TMEM62: variants seen among roughly 807,000 people sequenced by gnomAD.
TMEM62 encodes transmembrane protein 62.
In TMEM62, 41 loss-of-function variants were observed where a neutral mutation model predicts 70.4. That is an observed-to-expected ratio of 0.58 (90% confidence interval 0.45 to 0.76). The LOEUF (loss-of-function observed/expected upper bound fraction) is 0.76, where lower values mean the gene tolerates loss of function less well. Ranked by LOEUF, TMEM62 falls within the 30% of genes least tolerant of loss-of-function variation. TMEM62 has a pLI of 0.00. For missense variants in TMEM62, 688 were observed against 788.5 expected, an observed-to-expected ratio of 0.87 and a Z score of 1.53; for synonymous variants, 268 against 291.0, an observed-to-expected ratio of 0.92 and a Z score of 0.80.
rs2034775239 is a variant in TMEM62 at position 43,133,926 on chromosome 15, A to C, written c.124A>C (p.Arg42=). The C allele has an allele frequency of 6.7e-7, 1 of 1,489,280 alleles. No homozygotes were observed. Among genetic ancestry groups the C allele is most frequent in the African/African-American group, 1.4e-5 (1 of 69,254 alleles). The allele number at this position is 1,489,280 out of a possible 1,614,324, so 92.3% of individuals were successfully genotyped here. A position where few individuals can be genotyped will look rare whatever the true frequency, so the allele number is the denominator to read the frequency against. Residue 42 remains arginine (R), a synonymous_variant, in exon 1 of 14, where the codon AGG becomes CGG. Transcript: ENST00000260403. ...PSPLPRPAPP[R]RPHPAPGPGD... is the part of the protein sequence containing the mutation. ...GCCGCTGCCGCGCCCCGCGCCCCCC[A>C]GGAGGCCGCACCCTGCGCCAGGGCC...
At chr15:43,184,184 A>G (rs1367016183) in intron 13 of TMEM62, 76 bp from the exon 14 acceptor site, 1 of 1,265,562 alleles carries the variant, frequency 7.9e-7, no homozygotes, top group African/African-American at 1.5e-5. Context: ...TAGTCTTAGG[A>G]TCCACTAATA....
At chr15:43,170,727 G>C (rs1177089105) in intron 11 of TMEM62, among the ~76,000 whole-genome samples, 1 of 152,138 alleles carries the variant, frequency 6.6e-6, no homozygotes, top group Non-Finnish European at 1.5e-5. Flanking sequence ...TAGATAACCT[G>C]GAAGTGAAAC....
At chr15:43,175,620 T>C (rs1027460704) in intron 11 of TMEM62, among the ~76,000 whole-genome samples, 2 of 152,180 alleles carry the variant, frequency 1.3e-5, no homozygotes, top group Admixed American at 6.5e-5. Context: ...CACGTTAATT[T>C]GGAAAGTTTA....
At chr15:43,175,997 G>A (rs2040695305) in intron 11 of TMEM62, among the ~76,000 whole-genome samples, 1 of 152,226 alleles carries the variant, frequency 6.6e-6, no homozygotes, top group African/African-American at 2.4e-5. Flanking sequence ...GCGCTTTTCT[G>A]ATGGGCTTAA....
At chr15:43,150,721 C>T (rs951424203) in intron 7 of TMEM62, among the ~76,000 whole-genome samples, 1 of 152,106 alleles carries the variant, frequency 6.6e-6, no homozygotes, top group African/African-American at 2.4e-5. Flanking sequence ...TTCGACATGT[C>T]GATTCCAGGG....
intron 3 of TMEM62, among the ~76,000 whole-genome samples, chr15:43,135,944 A>G (rs1342729953): frequency 1.3e-5 from 2 of 152,062 alleles, no homozygotes; most frequent in African/African-American, 4.8e-5. Context: ...TTTGTTACAT[A>G]GGTATATATG....
In TMEM62 at chr15:43,178,720, A is replaced by G; in HGVS notation, c.1486+9A>G. 6.6e-7 allele frequency: 1 copy of G among 1,520,750 alleles called. No individual in the cohort carries two copies. The highest frequency in any genetic ancestry group is 9.0e-7 in the Non-Finnish European group (1 of 1,108,714). 94.2% of individuals were successfully genotyped at this position (1,520,750 alleles called of 1,614,324 possible). A position where few individuals can be genotyped will look rare whatever the true frequency, so the allele number is the denominator to read the frequency against. The stretch of plus-strand genomic sequence containing the variant: ...CCTGTATACAGTGCTGGGTAAGTAA[A>G]TTAGTACAGATTATGGGGAATTTTG... On this transcript the variant is annotated intron_variant, in intron 12 of 13. Transcript: ENST00000260403.
chr15:43,167,239 G>A (rs1315488923), intron 10 of TMEM62, among the ~76,000 whole-genome samples: 2 of 150,482 alleles, frequency 1.3e-5, no homozygotes, highest in Admixed American at 1.3e-4. Context: ...CCTCCCGGAT[G>A]GGGCGGCTGG....
In TMEM62 at chr15:43,134,300, C is replaced by G. The variant is rs753636197; in HGVS notation, c.224C>G (p.Ala75Gly). ...AGCAGGTTTCGAGATCCAGGCAGAG[C>G]GGTAGACTTAGAGAAATTCTGTTCT... ...HLSRFRDPGR[A>G]VDLEKFCSET... is the part of the protein sequence containing the mutation. The change falls in exon 2 of 14, where the codon GCG (alanine) becomes GGG (glycine). Residue 75 changes from alanine (A) to glycine (G), a missense_variant. Coordinates refer to ENST00000260403, the MANE Select transcript of TMEM62 (RefSeq NM_024956.4). 1.2e-6 allele frequency: 2 copies of G among 1,614,144 alleles called. No homozygotes were observed. Among genetic ancestry groups the G allele is most frequent in the Non-Finnish European group, 1.7e-6 (2 of 1,180,010 alleles).
chr15:43,147,024 T>G (rs750294414), intron 5 of TMEM62, among the ~76,000 whole-genome samples: 8 of 152,196 alleles, frequency 5.3e-5, no homozygotes, highest in Non-Finnish European at 8.8e-5. Context: ...AGTGCAGTGG[T>G]GTGATTTCAG....
chr15:43,160,525 A>G lies in TMEM62; in HGVS notation c.1183-156A>G. 5.3e-6 allele frequency: 3 copies of G among 571,002 alleles called. No homozygotes were observed. In the South Asian group the frequency reaches 6.8e-5, roughly 13 times the overall value. 35.4% of individuals were successfully genotyped at this position (571,002 alleles called of 1,614,324 possible). ...GCACCACTGCACGCCAGCCTGGACA[A>G]CAGAGAGAAACCTTGAAAAACAACA... On this transcript the variant is annotated intron_variant, in intron 9 of 13. Coordinates refer to ENST00000260403, the MANE Select transcript of TMEM62 (RefSeq NM_024956.4).
chr15:43,134,121 C>A, intron 1 of TMEM62, 136 bp from the exon 2 acceptor site: 8 of 1,436,210 alleles, frequency 5.6e-6, no homozygotes, highest in Non-Finnish European at 7.5e-6. Context: ...TAGTGCTGGC[C>A]CTGTCCTTAC....
intron 11 of TMEM62, 49 bp downstream of exon 11, chr15:43,169,726 C>A (rs780820525): frequency 6.8e-6 from 10 of 1,468,562 alleles, no homozygotes; most frequent in East Asian, 4.5e-5. Flanking sequence ...ATGGAAAAAA[C>A]CAAACTCCGT....
At chr15:43,167,016 T>C (rs1042087497) in intron 10 of TMEM62, among the ~76,000 whole-genome samples, 1 of 152,176 alleles carries the variant, frequency 6.6e-6, no homozygotes, top group Non-Finnish European at 1.5e-5. Context: ...AAAACCGCCA[T>C]TGTCATCATG....
At chr15:43,165,518 G>A (rs890434731) in intron 10 of TMEM62, among the ~76,000 whole-genome samples, 22 of 152,082 alleles carry the variant, frequency 1.4e-4, no homozygotes, top group Non-Finnish European at 1.5e-5. Context: ...CGGATCACAA[G>A]GTCGGGAGAT....
intron 3 of TMEM62, 165 bp downstream of exon 3, chr15:43,135,814 G>A (rs1187990585): frequency 4.1e-6 from 3 of 723,714 alleles, no homozygotes; most frequent in Non-Finnish European, 6.1e-6. Flanking sequence ...AACTTCAAAT[G>A]TCATTGTTAG....
intron 5 of TMEM62, among the ~76,000 whole-genome samples, chr15:43,148,003 C>T (rs901943283): frequency 6.6e-6 from 1 of 152,146 alleles, no homozygotes; most frequent in African/African-American, 2.4e-5. Flanking sequence ...AAAATACCCT[C>T]ATTTTAAATG....
Position 43,144,798 on chromosome 15 carries a change from G to A in TMEM62, c.477-1695G>A, listed in dbSNP as rs550368922. Among the ~76,000 whole-genome samples the A allele has an allele frequency of 5.3e-5, 8 of 152,280 alleles. No individual in the cohort carries two copies. The East Asian group carries it at 1.5e-3, about 29-fold the overall frequency. ...GTATCTTTCATGGTGACTGTGGGGA[G>A]TTAGGAGACATGTTCAAAAGTAATT... On this transcript the variant is annotated intron_variant, in intron 4 of 13. Transcript: ENST00000260403.
intron 8 of TMEM62, among the ~76,000 whole-genome samples, chr15:43,152,487 C>T (rs1426646162): frequency 2.6e-5 from 4 of 152,112 alleles, no homozygotes; most frequent in African/African-American, 7.2e-5. Context: ...CACTGCCTCC[C>T]GAGTTCAAGC....
Sources: gnomAD v4.1 joint callset for allele counts (sites outside exome capture counted in the v4.1 genomes callset) on GRCh38, gnomAD v4.1.1 for gene constraint, MANE v1.5 for transcripts, NCBI Gene and HGNC (gene_info 2026-07-23, HGNC 2026-07-21) for gene names.